Variants in ZNF804A observed in about 807,000 individuals in gnomAD.
ZNF804A encodes the protein zinc finger protein 804A.
ZNF804A carries 2 observed loss-of-function variants against 16.5 expected under a neutral mutation model. The ratio of observed to expected loss-of-function variants is 0.12; its 90% CI spans 0.05 to 0.38. The LOEUF (loss-of-function observed/expected upper bound fraction) is 0.38. Ranked by LOEUF, ZNF804A falls within the 10% of genes least tolerant of loss-of-function variation. The probability of loss-of-function intolerance (pLI) is 0.99; values close to 1 mark genes in which losing one functional copy is unlikely to be tolerated. For missense variants in ZNF804A, 1,473 were observed against 1,390.7 expected (o/e 1.06, Z -0.94); for synonymous variants, 534 against 489.6 (o/e 1.09, Z -1.20).
intron 2 of ZNF804A, among the ~76,000 whole-genome samples, chr2:184,896,368 T>C (rs1282136752): frequency 1.3e-5 from 2 of 150,168 alleles, no homozygotes; most frequent in East Asian, 1.9e-4. Flanking sequence ...CATGTTATAC[T>C]CAGATAGGGG....
rs562692110 is a variant in ZNF804A, at chr2:184,923,719, G to T, written c.256-9884G>T. On this transcript the variant is annotated intron_variant, in intron 2 of 3. Coordinates refer to ENST00000302277, the MANE Select transcript of ZNF804A (RefSeq NM_194250.2). ...TATGGCTTTTATTATGTTGAGGTATGCTCCTTCTAAACCCAGTTTTTTGAG... is the reference window on the plus strand; with the variant it reads ...TATGGCTTTTATTATGTTGAGGTATTCTCCTTCTAAACCCAGTTTTTTGAG... Among the ~76,000 whole-genome samples, 6 of 152,056 alleles carry T rather than the reference G, an allele frequency of 3.9e-5. No homozygotes were observed. The South Asian group carries it at 1.2e-3, about 32-fold the overall frequency.
At chr2:184,736,437 C>T (rs1693614195) in intron 1 of ZNF804A, among the ~76,000 whole-genome samples, 1 of 152,104 alleles carries the variant, frequency 6.6e-6, no homozygotes, top group Non-Finnish European at 1.5e-5. Flanking sequence ...GGAATGAGAT[C>T]ATGTCCTTTG....
chr2:184,612,982 T>C (rs1206411773), intron 1 of ZNF804A, among the ~76,000 whole-genome samples: 1 of 152,228 alleles, frequency 6.6e-6, no homozygotes, highest in African/African-American at 2.4e-5. Context: ...TAAGAAACAT[T>C]TGGAGACTGA....
At chr2:184,927,849 C>T (rs943751696) in intron 2 of ZNF804A, among the ~76,000 whole-genome samples, 2 of 152,128 alleles carry the variant, frequency 1.3e-5, no homozygotes, top group South Asian at 2.1e-4. Flanking sequence ...TGAATACTGC[C>T]TGGCCTGGGG....
At chr2:184,796,517 G>T (rs952401812) in intron 1 of ZNF804A, among the ~76,000 whole-genome samples, 14 of 152,022 alleles carry the variant, frequency 9.2e-5, no homozygotes, top group African/African-American at 3.4e-4. Flanking sequence ...GTGCATAAAA[G>T]TGTTCATAGT....
At chr2:184,930,427 T>A (rs79703122) in intron 2 of ZNF804A, among the ~76,000 whole-genome samples, 1,560 of 152,338 alleles carry the variant, frequency 0.01, 16 homozygotes, top group African/African-American at 0.036. Flanking sequence ...GAAAGTCTTA[T>A]CCTACACAAA....
intron 2 of ZNF804A, among the ~76,000 whole-genome samples, chr2:184,892,037 T>G (rs1396445915): frequency 6.6e-6 from 1 of 152,178 alleles, no homozygotes; most frequent in East Asian, 1.9e-4. Context: ...ATTTGACAGT[T>G]TACTACTGAA....
chr2:184,935,912 T>C lies in ZNF804A; in HGVS notation c.516T>C (p.His172=), dbSNP rs373616876. ...AAGATTTCAAATATACTTTGATTCA[T>C]AGTGAAGAGAATACTAAAGATGCTA... is the stretch of plus-strand genomic sequence containing the variant. ...NQQDFKYTLI[H]SEENTKDATT... The change falls in exon 4 of 4, where the codon CAT becomes CAC. Residue 172 remains histidine, a synonymous_variant. Transcript: ENST00000302277. The C allele has an allele frequency of 2.4e-5, 38 of 1,613,866 alleles. No homozygotes were observed. Among genetic ancestry groups the C allele is most frequent in the Middle Eastern group, 1.6e-4 (1 of 6,082 alleles).
Position 184,900,175 on chromosome 2 carries a change from A to G in ZNF804A, c.256-33428A>G, listed in dbSNP as rs552354580. 6.8e-4 allele frequency among the ~76,000 whole-genome samples: 103 copies of G among 152,208 alleles called. 2 individuals carry two copies. In the South Asian group the frequency reaches 0.013, roughly 20 times the overall value. ...TCTCTGCAAATATCTCAGTCTTTTC[A>G]TCTCTGCTATTTTATCCTGCTAGCT... On this transcript the variant is annotated intron_variant, in intron 2 of 3. Coordinates refer to ENST00000302277, the MANE Select transcript of ZNF804A (RefSeq NM_194250.2).
At chr2:184,709,260 C>T (rs1287248831) in intron 1 of ZNF804A, among the ~76,000 whole-genome samples, 1 of 152,088 alleles carries the variant, frequency 6.6e-6, no homozygotes, top group East Asian at 1.9e-4. Context: ...AGAATTTTAT[C>T]TAAAGAAACA....
rs143345591 is a variant in ZNF804A at position 184,704,562 on chromosome 2, G to C, written c.111+105492G>C. 4.6e-4 allele frequency among the ~76,000 whole-genome samples: 70 copies of C among 152,278 alleles called. No individual in the cohort carries two copies. The East Asian group carries it at 0.013, about 28-fold the overall frequency. ...TAGTTTAGGTTAAGTTCTTGTGGAA[G>C]ATTAGTGAAAAAATAAATTAGTCAG... On this transcript the variant is annotated intron_variant, in intron 1 of 3. Transcript: ENST00000302277.
intron 1 of ZNF804A, among the ~76,000 whole-genome samples, chr2:184,789,932 G>A (rs1225845038): frequency 2.0e-5 from 3 of 151,680 alleles, no homozygotes; most frequent in Admixed American, 6.6e-5. Flanking sequence ...GTTAATTTGA[G>A]ATTTTTCTAT....
intron 1 of ZNF804A, among the ~76,000 whole-genome samples, chr2:184,812,854 T>C (rs1694922605): frequency 4.6e-5 from 7 of 152,170 alleles, no homozygotes; most frequent in Admixed American, 4.6e-4. Context: ...GTTTATTATG[T>C]TTGTTAATGT....
intron 2 of ZNF804A, among the ~76,000 whole-genome samples, chr2:184,931,129 T>G (rs1490576921): frequency 1.3e-5 from 2 of 152,206 alleles, no homozygotes; most frequent in Non-Finnish European, 2.9e-5. Context: ...CTGGCTGCTT[T>G]CACGAGCTGG....
chr2:184,895,514 C>G (rs1574260711), intron 2 of ZNF804A, among the ~76,000 whole-genome samples: 1 of 152,274 alleles, frequency 6.6e-6, no homozygotes, highest in East Asian at 1.9e-4. Context: ...CTCATTAAAA[C>G]AGAAACAGAA....
rs553795482 is a variant in ZNF804A, at chr2:184,777,275, A to G, written c.112-89094A>G. Among the ~76,000 whole-genome samples, 5 of 151,802 alleles carry G rather than the reference A, an allele frequency of 3.3e-5. No homozygotes were observed. The South Asian group carries it at 1.0e-3, about 31-fold the overall frequency. ...TTGATATACCATTTTGGAAATTTTA[A>G]TGCCTTTTATCCTAATTTCTGATGA... On this transcript the variant is annotated intron_variant, in intron 1 of 3. Transcript: ENST00000302277.
chr2:184,794,367 C>T (rs1694598354), intron 1 of ZNF804A, among the ~76,000 whole-genome samples: 2 of 151,952 alleles, frequency 1.3e-5, no homozygotes, highest in South Asian at 4.1e-4. Flanking sequence ...ATTCGTATAT[C>T]TTGTTTTGAT....
In ZNF804A at chr2:184,936,297, A is replaced by T. The variant is rs373750240; in HGVS notation, c.901A>T (p.Ser301Cys). The T allele has an allele frequency of 9.7e-5, 157 of 1,613,804 alleles. No homozygotes were observed. The highest frequency in any genetic ancestry group is 3.0e-5 in the Non-Finnish European group (35 of 1,179,926). ...VQTQEIKEVS[S>C]EKDALLLPSF... ...AACTCAAGAGATAAAAGAAGTCTCT[A>T]GTGAAAAAGATGCATTATTATTACC... The change falls in exon 4 of 4, where the codon AGT becomes TGT. Residue 301 changes from serine (S) to cysteine (C), a missense_variant. By Grantham distance (112) the Ser-to-Cys change is moderately radical. Transcript: ENST00000302277.
chr2:184,939,162 A>T lies in ZNF804A; in HGVS notation c.*136A>T. 9.1e-7 allele frequency: 1 copy of T among 1,095,228 alleles called. No individual in the cohort carries two copies. Among genetic ancestry groups the T allele is most frequent in the Non-Finnish European group, 1.3e-6 (1 of 767,072 alleles). The allele number at this position is 1,095,228 out of a possible 1,614,324, so 67.8% of individuals were successfully genotyped here. On this transcript the variant is annotated 3_prime_UTR_variant, in exon 4 of 4. Coordinates refer to ENST00000302277, the MANE Select transcript of ZNF804A (RefSeq NM_194250.2). ...TACATGGCGTCATTGGTTTGAAATC[A>T]TTTACTGTAAGTGCAATGATGCAAA...
Sources: allele counts gnomAD v4.1 joint callset (sites outside exome capture counted in the v4.1 genomes callset), GRCh38; gene constraint gnomAD v4.1.1; transcripts MANE v1.5; gene names NCBI Gene and HGNC (gene_info 2026-07-23, HGNC 2026-07-21).